TRAF3: variants seen among roughly 807,000 people sequenced by gnomAD.
TRAF3 encodes the protein TNF receptor associated factor 3, also known as TNF receptor-associated factor 3.
In TRAF3, 13 loss-of-function variants were observed where a neutral mutation model predicts 62.3. The observed-to-expected ratio is 0.21, with a 90% CI of 0.14 to 0.33. TRAF3 has a LOEUF of 0.33. Among genes scored for constraint, TRAF3 ranks in the 10% least tolerant of loss-of-function variants. The probability of loss-of-function intolerance (pLI) is 1.00; values close to 1 mark genes in which losing one functional copy is unlikely to be tolerated. For missense variants in TRAF3, 440 were observed against 741.8 expected, an observed-to-expected ratio of 0.59 and a Z score of 4.73; for synonymous variants, 269 against 283.4, an observed-to-expected ratio of 0.95 and a Z score of 0.51.
At chr14:102,840,385 C>A (rs1369534438) in intron 2 of TRAF3, among the ~76,000 whole-genome samples, 1 of 152,032 alleles carries the variant, frequency 6.6e-6, no homozygotes, top group Admixed American at 6.6e-5. Context: ...CACATGCCAC[C>A]ACGTCTGGAT....
chr14:102,900,082 G>C (rs1197068504), intron 10 of TRAF3, among the ~76,000 whole-genome samples: 1 of 151,358 alleles, frequency 6.6e-6, no homozygotes, highest in Non-Finnish European at 1.5e-5. Context: ...GGGAGGCTGA[G>C]GCAGGAGAAT....
At chr14:102,809,285 C>T (rs542331754) in intron 1 of TRAF3, among the ~76,000 whole-genome samples, 3 of 152,102 alleles carry the variant, frequency 2.0e-5, no homozygotes, top group African/African-American at 2.4e-5. Flanking sequence ...TGTGCCTGGC[C>T]GCACCCGGCT....
intron 6 of TRAF3, among the ~76,000 whole-genome samples, chr14:102,879,717 T>C (rs563451809): frequency 9.9e-4 from 150 of 151,884 alleles, no homozygotes; most frequent in Non-Finnish European, 1.6e-3. Context: ...CTAAATACTT[T>C]ATAATCTCTG....
chr14:102,808,482 C>T (rs1898909007), intron 1 of TRAF3, among the ~76,000 whole-genome samples: 1 of 149,194 alleles, frequency 6.7e-6, no homozygotes, highest in African/African-American at 2.5e-5. Context: ...CACTGCACTC[C>T]AGCCTGGGCA....
chr14:102,785,571 G>A (rs1029733791), intron 1 of TRAF3, among the ~76,000 whole-genome samples: 10 of 152,200 alleles, frequency 6.6e-5, no homozygotes, highest in African/African-American at 1.9e-4. Flanking sequence ...AATGGTTGCA[G>A]GCTAGTACCT....
chr14:102,838,255 TG>T (rs1886148672), intron 2 of TRAF3, among the ~76,000 whole-genome samples: 1 of 152,130 alleles, frequency 6.6e-6, no homozygotes, highest in Non-Finnish European at 1.5e-5. Context: ...CCATTGTAAG[TG>T]CTGAGGATAC....
At chr14:102,814,362 TTGG>T (rs1899385086) in intron 1 of TRAF3, among the ~76,000 whole-genome samples, 2 of 152,216 alleles carry the variant, frequency 1.3e-5, no homozygotes, top group African/African-American at 4.8e-5. Flanking sequence ...ATTTTAAGGT[TTGG>T]TAGTGTGATA....
intron 2 of TRAF3, among the ~76,000 whole-genome samples, chr14:102,852,404 C>T (rs750385801): frequency 1.1e-4 from 17 of 152,138 alleles, no homozygotes; most frequent in African/African-American, 1.9e-4. Flanking sequence ...AGCCTGGGAA[C>T]GAGACATGAC....
chr14:102,836,749 T>A (rs547769544), intron 2 of TRAF3, among the ~76,000 whole-genome samples: 1 of 152,374 alleles, frequency 6.6e-6, no homozygotes, highest in Non-Finnish European at 1.5e-5. Context: ...ACTACATATC[T>A]TAAACTTTTA....
intron 1 of TRAF3, among the ~76,000 whole-genome samples, chr14:102,790,081 G>A (rs1487408709): frequency 6.6e-6 from 1 of 152,112 alleles, no homozygotes; most frequent in Middle Eastern, 3.2e-3. Flanking sequence ...ACCCACCTCA[G>A]CCTCCCAAAG....
chr14:102,865,571 G>A (rs1281128765), intron 2 of TRAF3, among the ~76,000 whole-genome samples: 4 of 151,160 alleles, frequency 2.6e-5, no homozygotes, highest in African/African-American at 9.7e-5. Context: ...ACGATCTCGG[G>A]TCACTGAAAC....
intron 1 of TRAF3, among the ~76,000 whole-genome samples, chr14:102,829,895 G>A (rs1275984338): frequency 6.6e-6 from 1 of 152,144 alleles, no homozygotes; most frequent in African/African-American, 2.4e-5. Flanking sequence ...TTTGGGAGAC[G>A]AAGGCAGGAG....
intron 8 of TRAF3, 64 bp from the exon 9 acceptor site, chr14:102,891,261 T>C: frequency 6.8e-7 from 1 of 1,473,308 alleles, no homozygotes; most frequent in Non-Finnish European, 9.3e-7. Context: ...GGTCGTATGT[T>C]AGCCGTTCTG....
chr14:102,816,444 A>AT (rs1165237972), intron 1 of TRAF3, among the ~76,000 whole-genome samples: 3 of 152,176 alleles, frequency 2.0e-5, no homozygotes, highest in African/African-American at 4.8e-5. Context: ...GATTTTGAAG[A>AT]TTAAGTGTGG....
rs961008211 is a variant in TRAF3 at position 102,900,449 on chromosome 14, A to C, written c.961-2806A>C. ...CCAGGCGGCAGAGGTTGCAGTGAGC[A>C]AAGATTGCGCCATTGCACTCGAGAC... is the stretch of plus-strand genomic sequence containing the variant. On this transcript the variant is annotated intron_variant, in intron 10 of 11. Coordinates refer to ENST00000392745, the MANE Select transcript of TRAF3 (RefSeq NM_145725.3). Among the ~76,000 whole-genome samples the C allele has an allele frequency of 3.3e-5, 5 of 152,240 alleles. No homozygotes were observed. The South Asian group carries it at 1.0e-3, about 31-fold the overall frequency.
At chr14:102,783,885 A>G (rs529032223) in intron 1 of TRAF3, among the ~76,000 whole-genome samples, 5 of 152,316 alleles carry the variant, frequency 3.3e-5, no homozygotes, top group South Asian at 4.1e-4. Context: ...TGGGGCTACT[A>G]GCACCAGGGA....
chr14:102,788,671 G>A (rs1461107438), intron 1 of TRAF3, among the ~76,000 whole-genome samples: 1 of 152,198 alleles, frequency 6.6e-6, no homozygotes, highest in Non-Finnish European at 1.5e-5. Context: ...GGTGGCGCAT[G>A]CCTCTAGTCC....
intron 2 of TRAF3, among the ~76,000 whole-genome samples, chr14:102,854,237 C>T (rs929082845): frequency 6.6e-6 from 1 of 151,958 alleles, no homozygotes; most frequent in Admixed American, 6.6e-5. Context: ...GTGAATAGTG[C>T]TGCTGTGAAC....
In TRAF3 at chr14:102,824,072, G is replaced by A. The variant is rs900656563; in HGVS notation, c.-156-6262G>A. On this transcript the variant is annotated intron_variant, in intron 1 of 11. Transcript: ENST00000392745. The stretch of plus-strand genomic sequence containing the variant: ...TGATAGCGCTGCTGTGAACATTCAT[G>A]TACAGGTTTTTGTGTGGACATGTCA... Among the ~76,000 whole-genome samples, 2 of 152,210 alleles carry A rather than the reference G, an allele frequency of 1.3e-5. 1 individual carries two copies. Among genetic ancestry groups the A allele is most frequent in the South Asian group, 4.1e-4 (2 of 4,832 alleles).
Sources: gnomAD v4.1 joint callset for allele counts (sites outside exome capture counted in the v4.1 genomes callset) on GRCh38, gnomAD v4.1.1 for gene constraint, MANE v1.5 for transcripts, NCBI Gene and HGNC (gene_info 2026-07-23, HGNC 2026-07-21) for gene names.